Variants in COMMD10 observed in about 807,000 individuals in gnomAD.
COMMD10 encodes COMM domain-containing protein 10.
COMMD10 carries 33 observed loss-of-function variants against 28.9 expected under a neutral mutation model. That is an observed-to-expected ratio of 1.14 (90% CI 0.87 to 1.53). The LOEUF is 1.53. Among genes scored for constraint, COMMD10 ranks in the 40% most tolerant of loss-of-function variants. COMMD10 has a pLI of 0.00. For missense variants in COMMD10, 310 were observed against 233.4 expected (o/e 1.33, Z -2.14); for synonymous variants, 110 against 81.7 (o/e 1.35, Z -1.87).
chr5:116,266,178 A>T (rs1012453085), intron 5 of COMMD10, among the ~76,000 whole-genome samples: 1 of 151,736 alleles, frequency 6.6e-6, no homozygotes, highest in Non-Finnish European at 1.5e-5. Flanking sequence ...TGTTTTCAGG[A>T]AAATGCAGTG....
intron 5 of COMMD10, among the ~76,000 whole-genome samples, chr5:116,165,114 G>A (rs966556541): frequency 6.6e-6 from 1 of 152,188 alleles, no homozygotes; most frequent in African/African-American, 2.4e-5. Flanking sequence ...GAGGCCTGAA[G>A]AGAATCTCTG....
chr5:116,213,413 G>A (rs1435247276), intron 5 of COMMD10, among the ~76,000 whole-genome samples: 1 of 152,040 alleles, frequency 6.6e-6, no homozygotes, highest in Non-Finnish European at 1.5e-5. Flanking sequence ...GGACCTCTGG[G>A]TCATGGTAAA....
At chr5:116,236,044 A>G (rs986854161) in intron 5 of COMMD10, among the ~76,000 whole-genome samples, 2 of 152,166 alleles carry the variant, frequency 1.3e-5, no homozygotes, top group African/African-American at 4.8e-5. Context: ...ACTTAGAAAT[A>G]AGAACATCAT....
At chr5:116,090,981 G>C in intron 2 of COMMD10, 98 bp from the exon 3 acceptor site, 1 of 628,538 alleles carries the variant, frequency 1.6e-6, no homozygotes. Flanking sequence ...TTTCTTTAAA[G>C]TTCTCATCTC....
chr5:116,157,059 G>A (rs58211498), intron 5 of COMMD10, among the ~76,000 whole-genome samples: 2,214 of 152,104 alleles, frequency 0.015, 61 homozygotes, highest in African/African-American at 0.05. Context: ...GAGTTTTATA[G>A]GGAACACAAT....
intron 5 of COMMD10, among the ~76,000 whole-genome samples, chr5:116,243,875 C>T (rs1172880834): frequency 6.6e-6 from 1 of 152,060 alleles, no homozygotes; most frequent in African/African-American, 2.4e-5. Flanking sequence ...TCAGAAATAA[C>T]CTTAAAAAAG....
At chr5:116,187,606 C>T (rs1580532925) in intron 5 of COMMD10, among the ~76,000 whole-genome samples, 1 of 151,984 alleles carries the variant, frequency 6.6e-6, no homozygotes, top group South Asian at 2.1e-4. Flanking sequence ...CATTAACATT[C>T]TCTAAATTAC....
At chr5:116,091,885 C>G (rs1452301273) in intron 3 of COMMD10, among the ~76,000 whole-genome samples, 1 of 152,122 alleles carries the variant, frequency 6.6e-6, no homozygotes, top group African/African-American at 2.4e-5. Flanking sequence ...AGTTTTGTAA[C>G]TTCATGAGCA....
rs139303431 is a variant in COMMD10, at chr5:116,250,289, G to A, written c.511-41228G>A. On this transcript the variant is annotated intron_variant, in intron 5 of 6. Coordinates refer to ENST00000274458, the MANE Select transcript of COMMD10 (RefSeq NM_016144.4). Reference sequence around the variant, plus strand: ...GATTGGTTTTCTTAATATGCATTTGGTATAGTAATAATAACGTGTTATCTT... The same window carrying A: ...GATTGGTTTTCTTAATATGCATTTGATATAGTAATAATAACGTGTTATCTT... 7.2e-3 allele frequency among the ~76,000 whole-genome samples: 1,090 copies of A among 151,738 alleles called. 17 individuals are homozygous for A. Among genetic ancestry groups the A allele is most frequent in the African/African-American group, 0.025 (1,046 of 41,412 alleles).
chr5:116,115,409 T>C (rs1474534143), intron 4 of COMMD10, among the ~76,000 whole-genome samples: 1 of 152,196 alleles, frequency 6.6e-6, no homozygotes, highest in African/African-American at 2.4e-5. Context: ...GCTTTTCTGT[T>C]AAATGCCTGT....
intron 5 of COMMD10, among the ~76,000 whole-genome samples, chr5:116,234,971 G>A (rs1003969115): frequency 4.6e-5 from 7 of 152,058 alleles, no homozygotes; most frequent in Admixed American, 3.3e-4. Flanking sequence ...TTCATTTTAC[G>A]GAAAACCTTC....
At chr5:116,151,261 C>T (rs1752516938) in intron 5 of COMMD10, among the ~76,000 whole-genome samples, 1 of 151,636 alleles carries the variant, frequency 6.6e-6, no homozygotes, top group Non-Finnish European at 1.5e-5. Flanking sequence ...TTTGGTTTGC[C>T]AGTATTTTAT....
At chr5:116,258,786 A>G (rs1396132404) in intron 5 of COMMD10, among the ~76,000 whole-genome samples, 6 of 151,598 alleles carry the variant, frequency 4.0e-5, no homozygotes, top group Non-Finnish European at 8.8e-5. Context: ...CTAGGATGCC[A>G]TATTATTAAT....
At chr5:116,171,847 G>T (rs763022728) in intron 5 of COMMD10, among the ~76,000 whole-genome samples, 1 of 152,028 alleles carries the variant, frequency 6.6e-6, no homozygotes, top group Non-Finnish European at 1.5e-5. Context: ...GGCTAGGGGA[G>T]GGATAACATT....
At chr5:116,264,733 G>T (rs1246736699) in intron 5 of COMMD10, among the ~76,000 whole-genome samples, 1 of 151,788 alleles carries the variant, frequency 6.6e-6, no homozygotes, top group African/African-American at 2.4e-5. Context: ...TTGATGGAGA[G>T]ATATACCATT....
intron 5 of COMMD10, among the ~76,000 whole-genome samples, chr5:116,250,977 G>A (rs184544865): frequency 1.4e-5 from 2 of 147,126 alleles, no homozygotes; most frequent in African/African-American, 5.4e-5. Context: ...GGCTTGGGTT[G>A]GGGGGTGCAG....
intron 5 of COMMD10, among the ~76,000 whole-genome samples, chr5:116,174,514 C>G (rs909071529): frequency 1.3e-5 from 2 of 152,146 alleles, no homozygotes; most frequent in African/African-American, 4.8e-5. Context: ...AATGATATAA[C>G]TGATGGATAA....
chr5:116,194,059 T>A (rs1036558212), intron 5 of COMMD10, among the ~76,000 whole-genome samples: 1 of 152,174 alleles, frequency 6.6e-6, no homozygotes, highest in African/African-American at 2.4e-5. Context: ...AACTTGCTCC[T>A]GAATGAGCAT....
At chr5:116,184,897 C>T (rs1748089788) in intron 5 of COMMD10, among the ~76,000 whole-genome samples, 1 of 152,034 alleles carries the variant, frequency 6.6e-6, no homozygotes. Context: ...AATCCTGACC[C>T]CTTCACTTAT....
Sources: allele counts gnomAD v4.1 joint callset (sites outside exome capture counted in the v4.1 genomes callset), GRCh38; gene constraint gnomAD v4.1.1; transcripts MANE v1.5; gene names NCBI Gene and HGNC (gene_info 2026-07-23, HGNC 2026-07-21).